The following TRPC3 variants were observed in gnomAD, a reference collection of about 807,000 sequenced individuals.
The protein encoded by TRPC3 is transient receptor potential cation channel subfamily C member 3.
TRPC3 carries 54 observed loss-of-function variants against 90.9 expected under a neutral mutation model. That is an observed-to-expected ratio of 0.59 (90% CI 0.48 to 0.75). The LOEUF is 0.75. Among genes scored for constraint, TRPC3 ranks in the 30% least tolerant of loss-of-function variants. The probability of loss-of-function intolerance (pLI) is 0.00; values close to 1 mark genes in which losing one functional copy is unlikely to be tolerated. For synonymous variants in TRPC3, 424 were observed against 450.9 expected (o/e 0.94, Z 0.75); for missense variants, 918 against 1,194.5 (o/e 0.77, Z 3.41).
intron 3 of TRPC3, among the ~76,000 whole-genome samples, chr4:121,920,927 T>G (rs1729479556): frequency 6.6e-6 from 1 of 152,256 alleles, no homozygotes; most frequent in African/African-American, 2.4e-5. Flanking sequence ...ATCTTTCTGA[T>G]GTCATACAGA....
intron 10 of TRPC3, among the ~76,000 whole-genome samples, chr4:121,899,287 TTC>T (rs1391084561): frequency 6.6e-6 from 1 of 152,200 alleles, no homozygotes; most frequent in African/African-American, 2.4e-5. Context: ...TTCTACTGCT[TTC>T]TCCAGTTTAA....
At chr4:121,941,222 G>A (rs149704019) in intron 1 of TRPC3, among the ~76,000 whole-genome samples, 3 of 152,324 alleles carry the variant, frequency 2.0e-5, no homozygotes, top group East Asian at 3.9e-4. Context: ...TGCAATACAT[G>A]AGCATTATTA....
rs1025977745 is a variant in TRPC3 at position 121,951,251 on chromosome 4, G to C, written c.215+215C>G. Among the ~76,000 whole-genome samples, 2 of 152,106 alleles carry C rather than the reference G, an allele frequency of 1.3e-5. No individual in the cohort carries two copies. The highest frequency in any genetic ancestry group is 2.9e-5 in the Non-Finnish European group (2 of 68,002). Reference sequence around the variant, plus strand: ...TGGACAGAGCCCCTGCCACGCACTCGGCAGCCCCTGTGTCCCTCCACCGCG... The same window carrying C: ...TGGACAGAGCCCCTGCCACGCACTCCGCAGCCCCTGTGTCCCTCCACCGCG... On this transcript the variant is annotated intron_variant, in intron 1 of 11. Coordinates refer to ENST00000379645, the MANE Select transcript of TRPC3 (RefSeq NM_001130698.2). This position sits in a 1 kb window ranked among gnomAD's most constrained non-coding sequence, Gnocchi z 4.4.
At chr4:121,915,103 T>A (rs1729265097) in intron 3 of TRPC3, among the ~76,000 whole-genome samples, 159 bp from the exon 4 acceptor site, 1 of 152,236 alleles carries the variant, frequency 6.6e-6, no homozygotes. Flanking sequence ...TCTTCTTAGC[T>A]TTCCCTCCAT....
At chr4:121,929,867 AT>A (rs113220964) in intron 2 of TRPC3, among the ~76,000 whole-genome samples, 226 of 149,584 alleles carry the variant, frequency 1.5e-3, no homozygotes, top group African/African-American at 3.9e-3. Context: ...CTAGGAAAAA[AT>A]TTTTTTTTTT....
chr4:121,875,819 CACAT>C lies in TRPC3; in HGVS notation c.*3913_*3916del, dbSNP rs1194262423. Among the ~76,000 whole-genome samples the C allele has an allele frequency of 6.7e-6, 1 of 149,932 alleles. No individual in the cohort carries two copies. The highest frequency in any genetic ancestry group is 2.5e-5 in the African/African-American group (1 of 40,808). On this transcript the variant is annotated 3_prime_UTR_variant, in exon 12 of 12. Transcript: ENST00000379645. ...GAGTAAAAACATTAGTTTCCCCTAA[CACAT>C]GGTATAAATTTAGAAATTCTCAAAC...
chr4:121,948,839 G>GGT (rs1388615484), intron 1 of TRPC3, among the ~76,000 whole-genome samples: 1 of 98,312 alleles, frequency 1.0e-5, no homozygotes, highest in African/African-American at 3.4e-5. Context: ...AACTCTTTGC[G>GGT]GTTTTTTTTT....
intron 1 of TRPC3, among the ~76,000 whole-genome samples, chr4:121,948,570 T>C (rs921483345): frequency 1.3e-5 from 2 of 152,224 alleles, no homozygotes; most frequent in Non-Finnish European, 2.9e-5. Context: ...CATCCTGGCA[T>C]ATAGGATCCT....
intron 7 of TRPC3, among the ~76,000 whole-genome samples, chr4:121,906,720 C>G (rs1355205981): frequency 1.3e-5 from 2 of 151,956 alleles, no homozygotes; most frequent in Non-Finnish European, 2.9e-5. Context: ...TGGGTGAGAA[C>G]AGATCTCACA....
intron 10 of TRPC3, among the ~76,000 whole-genome samples, chr4:121,894,823 C>A (rs1437356360): frequency 6.6e-6 from 1 of 151,942 alleles, no homozygotes; most frequent in Admixed American, 6.6e-5. Context: ...CTTGGCCTTC[C>A]AAGGCAGGTG....
chr4:121,934,280 CAG>C (rs1181902252), intron 1 of TRPC3, among the ~76,000 whole-genome samples: 1 of 152,146 alleles, frequency 6.6e-6, no homozygotes, highest in African/African-American at 2.4e-5. Flanking sequence ...TTCGGAAATT[CAG>C]AGTCTCTGAA....
At chr4:121,942,710 T>C (rs943960076) in intron 1 of TRPC3, among the ~76,000 whole-genome samples, 2 of 152,238 alleles carry the variant, frequency 1.3e-5, no homozygotes, top group African/African-American at 4.8e-5. Flanking sequence ...CACTGCTTTA[T>C]CTCTCATTCT....
intron 6 of TRPC3, among the ~76,000 whole-genome samples, chr4:121,908,218 T>C (rs1728954610): frequency 6.6e-6 from 1 of 152,146 alleles, no homozygotes; most frequent in African/African-American, 2.4e-5. Flanking sequence ...GTCAGGTCAA[T>C]GAAATATTAT....
chr4:121,950,617 A>G (rs1730688308), intron 1 of TRPC3: 2 of 152,258 alleles, frequency 1.3e-5, no homozygotes, highest in African/African-American at 4.8e-5. Context: ...TTGGAAATTA[A>G]GAAAAGTTGC....
rs528287264 is a variant in TRPC3, at chr4:121,876,239, A to C, written c.*3497T>G. Among the ~76,000 whole-genome samples, 1 of 152,206 alleles carries C rather than the reference A, an allele frequency of 6.6e-6. No individual in the cohort carries two copies. Among genetic ancestry groups the C allele is most frequent in the South Asian group, 2.1e-4 (1 of 4,818 alleles). ...GAGGCAGGAGGATCGCTTGAGGCCA[A>C]AAGTTAAAGACTAGCCTGGACAACA... On this transcript the variant is annotated 3_prime_UTR_variant, in exon 12 of 12. Transcript: ENST00000379645.
At chr4:121,907,707 G>C (rs534967049) in intron 6 of TRPC3, 140 bp from the exon 7 acceptor site, 1 of 877,728 alleles carries the variant, frequency 1.1e-6, no homozygotes, top group Non-Finnish European at 1.7e-6. Context: ...TTAATTAACT[G>C]TCCAGGGACT....
chr4:121,930,830 T>TA (rs71599162), intron 2 of TRPC3: 70,337 of 202,230 alleles, frequency 0.35, 13,147 homozygotes, highest in Admixed American at 0.48. Flanking sequence ...CTCTGAGATC[T>TA]AAAAAAAAAA....
chr4:121,886,799 G>GA (rs1160465049), intron 10 of TRPC3, among the ~76,000 whole-genome samples: 3 of 151,966 alleles, frequency 2.0e-5, no homozygotes, highest in Non-Finnish European at 2.9e-5. Flanking sequence ...TTGACCTAAA[G>GA]AAAAAATCTG....
chr4:121,906,855 G>A (rs1210837040), intron 7 of TRPC3, among the ~76,000 whole-genome samples: 1 of 152,026 alleles, frequency 6.6e-6, no homozygotes, highest in African/African-American at 2.4e-5. Context: ...GAAGAAACTG[G>A]TATTACCATG....
Sources: allele counts gnomAD v4.1 joint callset (sites outside exome capture counted in the v4.1 genomes callset), GRCh38; gene constraint gnomAD v4.1.1; non-coding constraint Gnocchi (gnomAD v3.1); transcripts MANE v1.5; gene names NCBI Gene and HGNC (gene_info 2026-07-23, HGNC 2026-07-21).